B4GALT6: variants seen among roughly 807,000 people sequenced by gnomAD.
B4GALT6 encodes beta-1,4-galactosyltransferase 6, also known as UDP-Gal:beta-GlcNAc beta-1,4-galactosyltransferase 6.
A neutral mutation model predicts 46.3 loss-of-function variants in B4GALT6; 14 were observed. That is an observed-to-expected ratio of 0.30 (90% CI 0.20 to 0.47). The LOEUF is 0.47. Among genes scored for constraint, B4GALT6 ranks in the 20% least tolerant of loss-of-function variants. The pLI, the probability that B4GALT6 is intolerant of heterozygous loss-of-function variation, is 0.99. For missense variants in B4GALT6, 386 were observed against 480.1 expected, an observed-to-expected ratio of 0.80 and a Z score of 1.83; for synonymous variants, 168 against 162.0, an observed-to-expected ratio of 1.04 and a Z score of -0.28.
At chr18:31,707,325 C>G in the B4GALT6 span, among the ~76,000 whole-genome samples, 4 of 150,992 alleles carry the variant, frequency 2.6e-5, no homozygotes, top group Admixed American at 2.0e-4. Context: ...CCAAGGTACT[C>G]CAGTGTTAAT....
upstream of B4GALT6, among the ~76,000 whole-genome samples, chr18:31,689,947 A>G (rs1157454451): frequency 6.6e-6 from 1 of 152,170 alleles, no homozygotes; most frequent in Admixed American, 6.5e-5. Flanking sequence ...AATATCCACA[A>G]TACTAGATCT....
the B4GALT6 span, among the ~76,000 whole-genome samples, chr18:31,709,599 G>A: frequency 0.17 from 13,510 of 80,574 alleles, 792 homozygotes; most frequent in Non-Finnish European, 0.19. Flanking sequence ...GTGTGTGTGT[G>A]TGTGTATATA....
Position 31,630,826 on chromosome 18 carries a change from A to C in B4GALT6, c.776+133T>G. ...CTGTGTCCTGGCTCCCCAGGAGGAC[A>C]CGATGGAGTTAAAGATGATATTCTT... On this transcript the variant is annotated intron_variant, in intron 6 of 8. Coordinates refer to ENST00000306851, the MANE Select transcript of B4GALT6 (RefSeq NM_004775.5). 5.3e-6 allele frequency: 5 copies of C among 939,856 alleles called. 1 individual carries two copies. Among genetic ancestry groups the C allele is most frequent in the Non-Finnish European group, 8.0e-6 (5 of 626,994 alleles). 58.2% of individuals were successfully genotyped at this position (939,856 alleles called of 1,614,324 possible).
chr18:31,706,130 C>T, the B4GALT6 span, among the ~76,000 whole-genome samples: 1 of 151,934 alleles, frequency 6.6e-6, no homozygotes, highest in Non-Finnish European at 1.5e-5. Context: ...GCCCTAATCC[C>T]TCCAACATTA....
At chr18:31,634,556 G>A (rs1295935458) in intron 5 of B4GALT6, among the ~76,000 whole-genome samples, 5 of 152,288 alleles carry the variant, frequency 3.3e-5, no homozygotes, top group African/African-American at 7.2e-5. Context: ...CGAAACGTGT[G>A]AAAATCTCTC....
At chr18:31,712,918 T>C in the B4GALT6 span, among the ~76,000 whole-genome samples, 1 of 152,214 alleles carries the variant, frequency 6.6e-6, no homozygotes, top group Non-Finnish European at 1.5e-5. Flanking sequence ...AGAAATCATA[T>C]AAAAACAATA....
upstream of B4GALT6, among the ~76,000 whole-genome samples, chr18:31,688,267 A>G (rs1328665566): frequency 6.7e-6 from 1 of 150,206 alleles, no homozygotes. Context: ...ATACATATAT[A>G]TATATACACA....
chr18:31,673,570 G>A (rs909324645), intron 1 of B4GALT6, among the ~76,000 whole-genome samples: 6 of 152,310 alleles, frequency 3.9e-5, no homozygotes, highest in African/African-American at 1.4e-4. Context: ...ATAGAATCTT[G>A]GCAGGCATAG....
At chr18:31,717,106 A>G in the B4GALT6 span, among the ~76,000 whole-genome samples, 1 of 152,130 alleles carries the variant, frequency 6.6e-6, no homozygotes, top group African/African-American at 2.4e-5. Flanking sequence ...CTATCTCAAA[A>G]AAAGAAAGAA....
intron 3 of B4GALT6, among the ~76,000 whole-genome samples, chr18:31,647,398 G>C (rs914485440): frequency 6.6e-6 from 1 of 152,102 alleles, no homozygotes; most frequent in Non-Finnish European, 1.5e-5. Flanking sequence ...CCTCAATAGA[G>C]AGGGCTTCCT....
chr18:31,716,932 T>A, the B4GALT6 span, among the ~76,000 whole-genome samples: 3 of 151,950 alleles, frequency 2.0e-5, no homozygotes, highest in African/African-American at 7.3e-5. Context: ...AAACCCCACC[T>A]CCACTAAAAT....
chr18:31,657,855 T>C (rs1216400943), intron 3 of B4GALT6, 121 bp downstream of exon 3: 1 of 635,828 alleles, frequency 1.6e-6, no homozygotes, highest in Non-Finnish European at 2.7e-6. Flanking sequence ...ACATGCTGCA[T>C]AATATAAACA....
the B4GALT6 span, among the ~76,000 whole-genome samples, chr18:31,713,170 T>A: frequency 6.6e-6 from 1 of 152,064 alleles, no homozygotes; most frequent in African/African-American, 2.4e-5. Context: ...CTGGACAACA[T>A]GGTGAAACCC....
chr18:31,684,600 C>G, upstream of B4GALT6: 2 of 1,175,720 alleles, frequency 1.7e-6, no homozygotes, highest in East Asian at 1.1e-4. Context: ...AGGGAGCGGA[C>G]GGAATGAATG....
At chr18:31,702,388 C>G in the B4GALT6 span, among the ~76,000 whole-genome samples, 806 of 152,170 alleles carry the variant, frequency 5.3e-3, 7 homozygotes, top group African/African-American at 0.019. Flanking sequence ...TAATTGCCAC[C>G]AATAAGGGAC....
intron 6 of B4GALT6, among the ~76,000 whole-genome samples, chr18:31,629,324 G>C (rs2073744286): frequency 6.6e-6 from 1 of 151,512 alleles, no homozygotes; most frequent in Non-Finnish European, 1.5e-5. Flanking sequence ...CATTACTCAA[G>C]GGTCAACTGT....
intron 1 of B4GALT6, among the ~76,000 whole-genome samples, chr18:31,668,416 T>C (rs2074308017): frequency 6.6e-6 from 1 of 152,192 alleles, no homozygotes; most frequent in South Asian, 2.1e-4. Flanking sequence ...CATCATGCAA[T>C]ATACCCATGT....
chr18:31,641,146 A>T (rs2073925973), intron 4 of B4GALT6, among the ~76,000 whole-genome samples: 1 of 152,264 alleles, frequency 6.6e-6, no homozygotes, highest in African/African-American at 2.4e-5. Flanking sequence ...AATTAAAGAC[A>T]GTGCATATTA....
At chr18:31,659,799 A>G (rs1258237382) in intron 2 of B4GALT6, among the ~76,000 whole-genome samples, 1 of 152,068 alleles carries the variant, frequency 6.6e-6, no homozygotes, top group Non-Finnish European at 1.5e-5. Flanking sequence ...TTCAGTGAAC[A>G]TTAATTGTTT....
Sources: gnomAD v4.1 joint callset for allele counts (sites outside exome capture counted in the v4.1 genomes callset) on GRCh38, gnomAD v4.1.1 for gene constraint, MANE v1.5 for transcripts, NCBI Gene and HGNC (gene_info 2026-07-23, HGNC 2026-07-21) for gene names.